Variants in UNC13C observed in about 807,000 individuals in gnomAD.
The protein encoded by UNC13C is protein unc-13 homolog C.
Under a neutral mutation model 245.4 loss-of-function variants are expected in UNC13C, and 174 were observed. The ratio of observed to expected loss-of-function variants is 0.71; its 90% confidence interval spans 0.63 to 0.80. The LOEUF is 0.80. UNC13C is among the 30% of genes least tolerant of loss of function. UNC13C has a pLI of 0.00. For synonymous variants in UNC13C, 992 were observed against 895.1 expected (o/e 1.11, Z -1.93); for missense variants, 2,829 against 2,602.9 (o/e 1.09, Z -1.89).
chr15:54,502,221 A>G (rs1451099444), intron 22 of UNC13C, among the ~76,000 whole-genome samples: 1 of 152,132 alleles, frequency 6.6e-6, no homozygotes, highest in Non-Finnish European at 1.5e-5. Flanking sequence ...ATGAATAAGC[A>G]TAATCTGTGA....
At chr15:54,474,670 T>C (rs1467759942) in intron 19 of UNC13C, among the ~76,000 whole-genome samples, 1 of 152,134 alleles carries the variant, frequency 6.6e-6, no homozygotes, top group African/African-American at 2.4e-5. Flanking sequence ...TCTTTTGCTG[T>C]GCAGTAGCTT....
chr15:54,117,523 T>TTC (rs56332846), intron 2 of UNC13C, among the ~76,000 whole-genome samples: 28,397 of 101,468 alleles, frequency 0.28, 4,404 homozygotes, highest in Non-Finnish European at 0.34. Context: ...ACTATTATGT[T>TTC]TCTCTCTCTC....
chr15:54,399,412 A>G (rs2040135810), intron 18 of UNC13C, among the ~76,000 whole-genome samples: 1 of 151,736 alleles, frequency 6.6e-6, no homozygotes, highest in South Asian at 2.1e-4. Context: ...TATTCATAAA[A>G]TTTTACTCAT....
chr15:53,860,524 A>G, the UNC13C span, among the ~76,000 whole-genome samples: 1 of 152,064 alleles, frequency 6.6e-6, no homozygotes, highest in Non-Finnish European at 1.5e-5. Context: ...ATTCTTGGCC[A>G]TCATCATTGG....
chr15:54,114,604 T>C (rs1179724676), intron 2 of UNC13C, among the ~76,000 whole-genome samples: 1 of 152,146 alleles, frequency 6.6e-6, no homozygotes, highest in Non-Finnish European at 1.5e-5. Context: ...CAATAGGCAT[T>C]TATACCACAT....
At chr15:53,913,257 A>G in the UNC13C span, 1 of 152,242 alleles carries the variant, frequency 6.6e-6, no homozygotes, top group Admixed American at 6.5e-5. Flanking sequence ...TTCAGCAAGC[A>G]CAAGCCCTAT....
the UNC13C span, among the ~76,000 whole-genome samples, chr15:53,899,472 A>G: frequency 1.3e-5 from 2 of 152,234 alleles, no homozygotes; most frequent in Non-Finnish European, 2.9e-5. Flanking sequence ...AAAGAATTAC[A>G]TTCCAAACTT....
At chr15:54,035,730 T>C (rs1026302630) in intron 2 of UNC13C, among the ~76,000 whole-genome samples, 1 of 152,050 alleles carries the variant, frequency 6.6e-6, no homozygotes, top group African/African-American at 2.4e-5. Flanking sequence ...TCAACCAAGA[T>C]AGCAGAAACA....
intron 18 of UNC13C, among the ~76,000 whole-genome samples, chr15:54,413,735 C>T (rs1164331498): frequency 6.6e-6 from 1 of 152,088 alleles, no homozygotes; most frequent in Non-Finnish European, 1.5e-5. Context: ...CTGTATGTGT[C>T]AATAGTCTTT....
At chr15:54,374,691 AG>A (rs1217801540) in intron 17 of UNC13C, among the ~76,000 whole-genome samples, 3 of 152,180 alleles carry the variant, frequency 2.0e-5, no homozygotes, top group African/African-American at 7.2e-5. Context: ...CTGCACCCAG[AG>A]GGGCAGGATT....
At chr15:54,067,938 C>G (rs1366129031) in intron 2 of UNC13C, among the ~76,000 whole-genome samples, 2 of 152,126 alleles carry the variant, frequency 1.3e-5, no homozygotes, top group African/African-American at 4.8e-5. Flanking sequence ...ACAGGATAAC[C>G]AGTTAAATTA....
chr15:54,130,296 T>TTA (rs2031330099), intron 2 of UNC13C, among the ~76,000 whole-genome samples: 2 of 108,186 alleles, frequency 1.8e-5, no homozygotes, highest in South Asian at 6.5e-4. Context: ...AATTTTTTTT[T>TTA]TTTTTTTTTT....
At chr15:54,322,122 A>G in intron 14 of UNC13C, 27 bp downstream of exon 14, 3 of 1,526,154 alleles carry the variant, frequency 2.0e-6, no homozygotes, top group Middle Eastern at 1.7e-4. Flanking sequence ...AAACTTTAAA[A>G]TTCCTAGCAG....
the UNC13C span, among the ~76,000 whole-genome samples, chr15:53,844,085 A>G: frequency 2.0e-5 from 3 of 152,192 alleles, no homozygotes; most frequent in African/African-American, 4.8e-5. Flanking sequence ...CTGAAGGGAA[A>G]AGAAGTGAAT....
At chr15:54,078,293 A>C (rs536743378) in intron 2 of UNC13C, among the ~76,000 whole-genome samples, 1 of 152,180 alleles carries the variant, frequency 6.6e-6, no homozygotes, top group East Asian at 1.9e-4. Flanking sequence ...TGCTGCAATA[A>C]CCATAAGAGT....
chr15:54,117,303 G>C (rs1301400755), intron 2 of UNC13C, among the ~76,000 whole-genome samples: 1 of 151,430 alleles, frequency 6.6e-6, no homozygotes, highest in Non-Finnish European at 1.5e-5. Flanking sequence ...TTTTATTTTT[G>C]CTTTTGTTTT....
At chr15:54,410,109 C>A (rs969670929) in intron 18 of UNC13C, among the ~76,000 whole-genome samples, 1 of 152,170 alleles carries the variant, frequency 6.6e-6, no homozygotes, top group Non-Finnish European at 1.5e-5. Context: ...TTTTGATCTG[C>A]ATTTCCGTAA....
chr15:54,474,354 G>A (rs999369262), intron 19 of UNC13C, among the ~76,000 whole-genome samples: 1 of 151,646 alleles, frequency 6.6e-6, no homozygotes, highest in African/African-American at 2.4e-5. Flanking sequence ...TTTTCCTTCT[G>A]ATAATAGCCA....
At chr15:54,119,734 G>A (rs2141191656) in intron 2 of UNC13C, among the ~76,000 whole-genome samples, 2 of 152,256 alleles carry the variant, frequency 1.3e-5, no homozygotes, top group Middle Eastern at 3.4e-3. Flanking sequence ...AAAAGTTCTT[G>A]AAGGAAATTA....
Sources: gnomAD v4.1 joint callset for allele counts (sites outside exome capture counted in the v4.1 genomes callset) on GRCh38, gnomAD v4.1.1 for gene constraint, MANE v1.5 for transcripts, NCBI Gene and HGNC (gene_info 2026-07-23, HGNC 2026-07-21) for gene names.